TTC39B: variants seen among roughly 807,000 people sequenced by gnomAD.
The protein encoded by TTC39B is tetratricopeptide repeat domain 39B.
Under a neutral mutation model 96.6 loss-of-function variants are expected in TTC39B, and 92 were observed. The observed-to-expected ratio is 0.95, with a 90% CI of 0.80 to 1.13. The LOEUF (loss-of-function observed/expected upper bound fraction) is 1.13. TTC39B is among the 50% of genes most tolerant of loss of function. TTC39B has a pLI of 0.00. For missense variants in TTC39B, 955 were observed against 809.3 expected (o/e 1.18, Z -2.18); for synonymous variants, 367 against 299.4 (o/e 1.23, Z -2.33).
chr9:15,288,426 GAA>G (rs1169038960), intron 1 of TTC39B, among the ~76,000 whole-genome samples: 1 of 152,186 alleles, frequency 6.6e-6, no homozygotes, highest in Admixed American at 6.5e-5. Context: ...ACAGCAAAGA[GAA>G]GAGAAGGAGT....
At chr9:15,185,793 T>G (rs1310108440) in intron 15 of TTC39B, among the ~76,000 whole-genome samples, 1 of 152,218 alleles carries the variant, frequency 6.6e-6, no homozygotes, top group Non-Finnish European at 1.5e-5. Context: ...TTTACTTACG[T>G]TGTGGATACT....
At chr9:15,294,552 T>G (rs1824302629) in intron 1 of TTC39B, among the ~76,000 whole-genome samples, 1 of 152,140 alleles carries the variant, frequency 6.6e-6, no homozygotes, top group Non-Finnish European at 1.5e-5. Context: ...CACTTTTCAG[T>G]TTTAGATAGA....
At chr9:15,295,848 G>A (rs1824354503) in intron 1 of TTC39B, among the ~76,000 whole-genome samples, 1 of 152,174 alleles carries the variant, frequency 6.6e-6, no homozygotes, top group Non-Finnish European at 1.5e-5. Flanking sequence ...TGGAGGACCT[G>A]GTATGGGTCA....
chr9:15,266,240 A>G (rs1282011115), intron 2 of TTC39B, among the ~76,000 whole-genome samples: 1 of 152,112 alleles, frequency 6.6e-6, no homozygotes, highest in Non-Finnish European at 1.5e-5. Flanking sequence ...CCCAATCACA[A>G]TTAAGTTTTT....
chr9:15,243,712 C>T (rs1320150282), intron 2 of TTC39B, among the ~76,000 whole-genome samples: 1 of 152,132 alleles, frequency 6.6e-6, no homozygotes, highest in Non-Finnish European at 1.5e-5. Flanking sequence ...AACTTCTAGA[C>T]TAGCCTGGGC....
At chr9:15,279,203 A>C (rs1277759934) in intron 1 of TTC39B, among the ~76,000 whole-genome samples, 1 of 152,172 alleles carries the variant, frequency 6.6e-6, no homozygotes, top group African/African-American at 2.4e-5. Flanking sequence ...AGGGATGAGC[A>C]AAAAGAAACC....
chr9:15,281,443 T>C (rs574497244), intron 1 of TTC39B, among the ~76,000 whole-genome samples: 8 of 152,198 alleles, frequency 5.3e-5, no homozygotes, highest in African/African-American at 1.9e-4. Context: ...ACTCATACAG[T>C]GCCCTCCCTC....
At chr9:15,181,646 A>G (rs1009660279) in intron 17 of TTC39B, among the ~76,000 whole-genome samples, 1 of 152,210 alleles carries the variant, frequency 6.6e-6, no homozygotes, top group Non-Finnish European at 1.5e-5. Flanking sequence ...TCGTGATAAC[A>G]TTTCACCTTG....
chr9:15,238,470 G>T (rs1821889100), intron 2 of TTC39B, among the ~76,000 whole-genome samples: 1 of 152,164 alleles, frequency 6.6e-6, no homozygotes, highest in African/African-American at 2.4e-5. Context: ...ACAAAAATCA[G>T]TAGCATTTCT....
exon 20 of TTC39B, chr9:15,170,559 C>G (rs1358462302): frequency 6.6e-6 from 1 of 152,068 alleles, no homozygotes; most frequent in Non-Finnish European, 1.5e-5. Flanking sequence ...AATACCACAC[C>G]GCTATCCATA....
chr9:15,283,350 T>C (rs971888098), intron 1 of TTC39B, among the ~76,000 whole-genome samples: 17 of 152,240 alleles, frequency 1.1e-4, no homozygotes, highest in South Asian at 2.1e-4. Context: ...TATGGAGATA[T>C]ACATAATATT....
intron 8 of TTC39B, among the ~76,000 whole-genome samples, chr9:15,194,781 G>C (rs554716148): frequency 1.3e-5 from 2 of 152,236 alleles, no homozygotes; most frequent in African/African-American, 4.8e-5. Flanking sequence ...AATTGTTTCA[G>C]GGTGCCCTGA....
At chr9:15,227,374 T>A (rs1348315916) in intron 2 of TTC39B, among the ~76,000 whole-genome samples, 1 of 152,100 alleles carries the variant, frequency 6.6e-6, no homozygotes, top group Non-Finnish European at 1.5e-5. Context: ...TTTTCCCCCA[T>A]TGGAAGTTCA....
At chr9:15,291,351 AG>A (rs1375867135) in intron 1 of TTC39B, among the ~76,000 whole-genome samples, 2 of 152,244 alleles carry the variant, frequency 1.3e-5, no homozygotes, top group African/African-American at 4.8e-5. Context: ...TAAAAATGGA[AG>A]TTTCCCTGTA....
At chr9:15,176,742 A>C (rs1184455858) in intron 18 of TTC39B, among the ~76,000 whole-genome samples, 1 of 151,920 alleles carries the variant, frequency 6.6e-6, no homozygotes, top group Non-Finnish European at 1.5e-5. Context: ...GTGTGGCTAC[A>C]CTCTTCAGAG....
chr9:15,258,007 C>T (rs192874887), intron 2 of TTC39B, among the ~76,000 whole-genome samples: 41 of 152,174 alleles, frequency 2.7e-4, no homozygotes, highest in African/African-American at 9.4e-4. Context: ...TTGCGGTGAG[C>T]CGAGTTCGTA....
chr9:15,257,469 G>C (rs1822792118), intron 2 of TTC39B, among the ~76,000 whole-genome samples: 1 of 151,362 alleles, frequency 6.6e-6, no homozygotes, highest in African/African-American at 2.4e-5. Context: ...TTTTTTTTGA[G>C]ACAGGGTCTT....
At chr9:15,234,154 C>T (rs1424849408) in intron 2 of TTC39B, among the ~76,000 whole-genome samples, 9 of 148,794 alleles carry the variant, frequency 6.0e-5, no homozygotes, top group East Asian at 2.1e-4. Flanking sequence ...TCCCTCTGCC[C>T]GGCAGCCGCC....
chr9:15,231,433 A>G (rs2131426629), intron 2 of TTC39B, among the ~76,000 whole-genome samples: 1 of 152,270 alleles, frequency 6.6e-6, no homozygotes, highest in African/African-American at 2.4e-5. Context: ...TTTGGTGTGC[A>G]TTTGCTTAAT....
Sources: allele counts gnomAD v4.1 joint callset (sites outside exome capture counted in the v4.1 genomes callset), GRCh38; gene constraint gnomAD v4.1.1; transcripts MANE v1.5; gene names NCBI Gene and HGNC (gene_info 2026-07-23, HGNC 2026-07-21).